The following MTMR9 variants were observed in gnomAD, a reference collection of about 807,000 sequenced individuals.
MTMR9 encodes the protein myotubularin related protein 9.
A neutral mutation model predicts 69.5 loss-of-function variants in MTMR9; 39 were observed. The observed-to-expected ratio is 0.56, with a 90% CI of 0.43 to 0.73. The LOEUF is 0.73. Ranked by LOEUF, MTMR9 falls within the 30% of genes least tolerant of loss-of-function variation. The probability of loss-of-function intolerance (pLI) is 0.00; values close to 1 mark genes in which losing one functional copy is unlikely to be tolerated. For missense variants in MTMR9, 900 were observed against 671.2 expected (o/e 1.34, Z -3.77); for synonymous variants, 354 against 240.8 (o/e 1.47, Z -4.35).
At chr8:11,298,820 C>T (rs1799650991) in intron 2 of MTMR9, 11 of 983,280 alleles carry the variant, frequency 1.1e-5, no homozygotes, top group African/African-American at 5.3e-5. Context: ...CTCTCTGTTC[C>T]TCCCATCTAC....
intron 6 of MTMR9, among the ~76,000 whole-genome samples, chr8:11,311,854 C>G (rs990099953): frequency 6.6e-6 from 1 of 151,574 alleles, no homozygotes; most frequent in African/African-American, 2.4e-5. Flanking sequence ...ACTGCTTTAT[C>G]ACCTAAGTTG....
chr8:11,286,834 T>G (rs1439014408), intron 1 of MTMR9, among the ~76,000 whole-genome samples: 1 of 152,180 alleles, frequency 6.6e-6, no homozygotes, highest in African/African-American at 2.4e-5. Flanking sequence ...TGAACGCTTT[T>G]TACCAGCCAG....
intron 3 of MTMR9, among the ~76,000 whole-genome samples, chr8:11,302,272 AAAG>A (rs1799772325): frequency 8.9e-6 from 1 of 112,232 alleles, no homozygotes; most frequent in Non-Finnish European, 1.7e-5. Context: ...AAAAAAAAAA[AAAG>A]AGGAAGACAA....
chr8:11,302,146 G>A (rs571127172), intron 3 of MTMR9, among the ~76,000 whole-genome samples: 1 of 151,506 alleles, frequency 6.6e-6, no homozygotes, highest in South Asian at 2.1e-4. Flanking sequence ...CCAGTTACCT[G>A]GGGGTCTGAG....
intron 7 of MTMR9, among the ~76,000 whole-genome samples, chr8:11,315,615 A>G (rs140890316): frequency 3.3e-5 from 5 of 152,380 alleles, no homozygotes; most frequent in Non-Finnish European, 5.9e-5. Context: ...GTATTTGAAC[A>G]CAAATGCTTA....
chr8:11,330,843 A>G (rs1051675073), downstream of MTMR9: 4 of 548,828 alleles, frequency 7.3e-6, no homozygotes, highest in African/African-American at 1.9e-5. Context: ...TTATCTGCTG[A>G]CCTTCCCTCC....
intron 3 of MTMR9, among the ~76,000 whole-genome samples, chr8:11,303,990 A>C (rs914698531): frequency 6.6e-6 from 1 of 152,128 alleles, no homozygotes; most frequent in African/African-American, 2.4e-5. Context: ...TCTTCCTGCT[A>C]TTGTAACCCA....
chr8:11,293,665 T>G (rs1799446449), intron 1 of MTMR9, among the ~76,000 whole-genome samples: 1 of 152,220 alleles, frequency 6.6e-6, no homozygotes, highest in Non-Finnish European at 1.5e-5. Flanking sequence ...TCATGTTTTC[T>G]TCTAGCAGTT....
downstream of MTMR9, among the ~76,000 whole-genome samples, chr8:11,332,369 A>G (rs1801271045): frequency 6.6e-6 from 1 of 152,142 alleles, no homozygotes; most frequent in Non-Finnish European, 1.5e-5. Flanking sequence ...TCCTTAAGGA[A>G]TCCCAGACTT....
At chr8:11,298,736 C>T in intron 2 of MTMR9, 2 of 944,220 alleles carry the variant, frequency 2.1e-6, no homozygotes, top group Non-Finnish European at 2.5e-6. Context: ...CCCCCGCCAT[C>T]CAGTATAGAA....
At chr8:11,314,516 T>C (rs757363527) in intron 6 of MTMR9, among the ~76,000 whole-genome samples, 1 of 152,236 alleles carries the variant, frequency 6.6e-6, no homozygotes, top group Non-Finnish European at 1.5e-5. Context: ...AAAATAATTT[T>C]AGTGTATGTC....
intron 1 of MTMR9, among the ~76,000 whole-genome samples, chr8:11,288,272 ATATAG>A (rs917572867): frequency 2.2e-5 from 3 of 138,836 alleles, no homozygotes; most frequent in African/African-American, 5.3e-5. Flanking sequence ...ATATATTATA[ATATAG>A]TATAATATAG....
At chr8:11,336,373 A>C in the MTMR9 span, among the ~76,000 whole-genome samples, 1 of 152,246 alleles carries the variant, frequency 6.6e-6, no homozygotes, top group Admixed American at 6.5e-5. Context: ...TATGACCCAT[A>C]GGCTGTGTCA....
chr8:11,334,434 A>C, the MTMR9 span, among the ~76,000 whole-genome samples: 1 of 152,186 alleles, frequency 6.6e-6, no homozygotes. Context: ...TTAACTTGGA[A>C]TAAGTTTAGA....
intron 7 of MTMR9, 35 bp downstream of exon 7, chr8:11,315,099 T>C (rs1800361231): frequency 6.3e-7 from 1 of 1,599,816 alleles, no homozygotes; most frequent in Non-Finnish European, 8.6e-7. Flanking sequence ...GAGGAACTGC[T>C]TATTGATGCT....
At position 11,306,274 on chromosome 8, in the gene MTMR9, A is replaced by G. The variant is rs754559195; in HGVS notation, c.676A>G (p.Arg226Gly). 1.2e-6 allele frequency: 2 copies of G among 1,614,040 alleles called. No individual in the cohort carries two copies. Among genetic ancestry groups the G allele is most frequent in the Non-Finnish European group, 8.5e-7 (1 of 1,179,970 alleles). ...EDEKLINATL[R>G]AGKRGYIIDT... ...CGAGAAGCTGATAAATGCTACCCTC[A>G]GGGCTGGAAAGCGTGGCTACATCAT... The change falls in exon 5 of 10, where the codon AGG (arginine) becomes GGG (glycine). Residue 226 changes from arginine to glycine, a missense_variant. Arg to Gly is a moderately radical substitution (Grantham distance 125, BLOSUM62 -2). Coordinates refer to ENST00000221086, the MANE Select transcript of MTMR9 (RefSeq NM_015458.4).
At chr8:11,291,335 C>T (rs1440568453) in intron 1 of MTMR9, among the ~76,000 whole-genome samples, 2 of 152,046 alleles carry the variant, frequency 1.3e-5, no homozygotes, top group Non-Finnish European at 2.9e-5. Context: ...ATTAATCAAA[C>T]ATGCCTTCTA....
At chr8:11,285,110 G>A (rs376629937) in intron 1 of MTMR9, 40 bp downstream of exon 1, 1 of 1,491,810 alleles carries the variant, frequency 6.7e-7, no homozygotes, top group Admixed American at 2.3e-5. Context: ...GGGAGCCGGG[G>A]GTCCCTTGTG....
chr8:11,299,727 G>C (rs1275830260), intron 2 of MTMR9, among the ~76,000 whole-genome samples: 2 of 152,198 alleles, frequency 1.3e-5, no homozygotes, highest in East Asian at 3.9e-4. Context: ...AATTGATGTC[G>C]AGGTGTTATT....
Sources: allele counts gnomAD v4.1 joint callset (sites outside exome capture counted in the v4.1 genomes callset), GRCh38; gene constraint gnomAD v4.1.1; transcripts MANE v1.5; gene names NCBI Gene and HGNC (gene_info 2026-07-23, HGNC 2026-07-21).